The following MYO16 variants were observed in gnomAD, a reference collection of about 807,000 sequenced individuals.
MYO16 encodes unconventional myosin-XVI.
MYO16 carries 94 observed loss-of-function variants against 205.3 expected under a neutral mutation model. The ratio of observed to expected loss-of-function variants is 0.46; its 90% CI spans 0.39 to 0.54. MYO16 has a LOEUF of 0.54. Among genes scored for constraint, MYO16 ranks in the 20% least tolerant of loss-of-function variants. The pLI, the probability that MYO16 is intolerant of heterozygous loss-of-function variation, is 0.00. For synonymous variants in MYO16, 988 were observed against 954.0 expected (o/e 1.04, Z -0.66); for missense variants, 2,315 against 2,387.5 (o/e 0.97, Z 0.63).
At chr13:109,099,915 A>G (rs1314562029) in intron 27 of MYO16, among the ~76,000 whole-genome samples, 1 of 152,262 alleles carries the variant, frequency 6.6e-6, no homozygotes, top group Non-Finnish European at 1.5e-5. Context: ...AAGGTATTAA[A>G]CAGAAAATAA....
chr13:108,628,210 G>C (rs1566513531), upstream of MYO16, among the ~76,000 whole-genome samples: 1 of 152,104 alleles, frequency 6.6e-6, no homozygotes, highest in Admixed American at 6.6e-5. Context: ...ACCCAAAATG[G>C]TGACTTTTGT....
At chr13:109,187,561 T>C (rs1020641224) in intron 34 of MYO16, among the ~76,000 whole-genome samples, 1 of 152,182 alleles carries the variant, frequency 6.6e-6, no homozygotes, top group Admixed American at 6.5e-5. Context: ...AAATCTTAAT[T>C]TGTTTTGTTT....
Position 109,092,197 on chromosome 13 carries a change from A to G in MYO16, c.3336-8588A>G, listed in dbSNP as rs79155773. On this transcript the variant is annotated intron_variant, in intron 27 of 34. Coordinates refer to ENST00000457511, the MANE Select transcript of MYO16 (RefSeq NM_001198950.3). Reference sequence around the variant, plus strand: ...ATTTAACAAACAAAGACATTTTCAGAGAAAGTGCATCTGAGGTTAATAAAC... The same window carrying G: ...ATTTAACAAACAAAGACATTTTCAGGGAAAGTGCATCTGAGGTTAATAAAC... Among the ~76,000 whole-genome samples the G allele has an allele frequency of 6.0e-3, 921 of 152,366 alleles. 12 individuals are homozygous for G. Among genetic ancestry groups the G allele is most frequent in the African/African-American group, 0.021 (871 of 41,584 alleles).
Position 108,710,962 on chromosome 13 carries a change from C to T in MYO16, c.293-1699C>T, listed in dbSNP as rs1469531893. On this transcript the variant is annotated intron_variant, in intron 2 of 34. Transcript: ENST00000457511. ...AAGTGCTGTCTATCATCTGAGGAAA[C>T]CATTGGCAAATGTATGAAATGAACT... Among the ~76,000 whole-genome samples the T allele has an allele frequency of 2.6e-5, 4 of 152,136 alleles. No individual in the cohort carries two copies. In the East Asian group the frequency reaches 7.7e-4, roughly 29 times the overall value.
the MYO16 span, among the ~76,000 whole-genome samples, chr13:108,583,317 A>G: frequency 4.6e-5 from 7 of 152,358 alleles, no homozygotes; most frequent in African/African-American, 1.7e-4. Context: ...ATAAAGACTC[A>G]TGCATCAAGT....
At chr13:108,623,998 T>C (rs1019036450) in intron 1 of MYO16, among the ~76,000 whole-genome samples, 2 of 152,142 alleles carry the variant, frequency 1.3e-5, no homozygotes, top group Admixed American at 6.6e-5. Flanking sequence ...ATTTGAAGAA[T>C]GCATGGAATT....
chr13:108,852,617 T>C (rs1309845499), intron 10 of MYO16, among the ~76,000 whole-genome samples: 4 of 152,202 alleles, frequency 2.6e-5, no homozygotes, highest in Non-Finnish European at 5.9e-5. Context: ...GCATCTTTGC[T>C]GAGAACAGCG....
chr13:108,562,374 A>G, the MYO16 span, among the ~76,000 whole-genome samples: 121 of 152,274 alleles, frequency 7.9e-4, no homozygotes, highest in Admixed American at 7.1e-3. Context: ...AGGGGGTACG[A>G]ATATTTAGTC....
chr13:109,047,061 A>T, intron 24 of MYO16, 70 bp downstream of exon 24: 1 of 1,164,134 alleles, frequency 8.6e-7, no homozygotes, highest in Non-Finnish European at 1.3e-6. Context: ...TTATCTCTGA[A>T]TATTTTCCTA....
chr13:108,555,624 A>G, the MYO16 span, among the ~76,000 whole-genome samples: 3 of 152,200 alleles, frequency 2.0e-5, no homozygotes, highest in Non-Finnish European at 4.4e-5. Context: ...CTGTCTTAGC[A>G]ATTTTCAAGA....
chr13:109,072,632 T>C (rs1396210707), intron 27 of MYO16, among the ~76,000 whole-genome samples: 1 of 151,730 alleles, frequency 6.6e-6, no homozygotes, highest in Non-Finnish European at 1.5e-5. Flanking sequence ...CCAAGCATTC[T>C]TCAGACCAAA....
chr13:108,746,043 A>T (rs1594259672), intron 4 of MYO16, among the ~76,000 whole-genome samples: 1 of 151,474 alleles, frequency 6.6e-6, no homozygotes, highest in East Asian at 2.0e-4. Context: ...CAAAAAAAAA[A>T]TTAGCCAGGA....
In MYO16 at chr13:109,022,516, T is replaced by TA. The variant is rs1555325004; in HGVS notation, c.2796+2605_2796+2606insA. 2.0e-5 allele frequency among the ~76,000 whole-genome samples: 2 copies of TA among 102,236 alleles called. 1 individual carries two copies. Among genetic ancestry groups the TA allele is most frequent in the Non-Finnish European group, 3.8e-5 (2 of 52,126 alleles). 67.1% of individuals were successfully genotyped at this position (102,236 alleles called of 152,430 possible). On this transcript the variant is annotated intron_variant, in intron 23 of 34. Coordinates refer to ENST00000457511, the MANE Select transcript of MYO16 (RefSeq NM_001198950.3). ...ATACAATATAAACATATGTATATATTTGTTATATATACAATATAAACATAT... is the reference window on the plus strand; with the variant it reads ...ATACAATATAAACATATGTATATATTATGTTATATATACAATATAAACATAT...
chr13:108,854,840 T>C (rs1408909432), intron 10 of MYO16, among the ~76,000 whole-genome samples: 2 of 152,230 alleles, frequency 1.3e-5, no homozygotes, highest in Non-Finnish European at 2.9e-5. Flanking sequence ...ATTCATGGCA[T>C]ATTAAATTGA....
chr13:108,572,071 C>T, the MYO16 span, among the ~76,000 whole-genome samples: 1 of 151,842 alleles, frequency 6.6e-6, no homozygotes, highest in Admixed American at 6.6e-5. Flanking sequence ...AGGTGCATGC[C>T]ACCATGCCCA....
intron 23 of MYO16, among the ~76,000 whole-genome samples, chr13:109,021,830 A>G (rs1238531010): frequency 3.3e-5 from 5 of 152,048 alleles, no homozygotes; most frequent in Admixed American, 2.0e-4. Flanking sequence ...ATTTTTAGAC[A>G]AAGTAGGAAG....
intron 10 of MYO16, among the ~76,000 whole-genome samples, chr13:108,854,000 T>C (rs1174628697): frequency 7.5e-6 from 1 of 133,578 alleles, no homozygotes; most frequent in African/African-American, 2.7e-5. Context: ...TTTTGTTTGT[T>C]TGTTTGCTTT....
the MYO16 span, among the ~76,000 whole-genome samples, chr13:108,541,213 A>C: frequency 0.16 from 24,495 of 151,804 alleles, 3,004 homozygotes; most frequent in African/African-American, 0.34. Context: ...TTGAAGTAAA[A>C]ATTTACATAT....
At chr13:109,146,046 T>C (rs1311634112) in intron 32 of MYO16, among the ~76,000 whole-genome samples, 1 of 152,218 alleles carries the variant, frequency 6.6e-6, no homozygotes. Flanking sequence ...AAAGCTGTAA[T>C]GTACAGTATT....
Sources: gnomAD v4.1 joint callset for allele counts (sites outside exome capture counted in the v4.1 genomes callset) on GRCh38, gnomAD v4.1.1 for gene constraint, MANE v1.5 for transcripts, NCBI Gene and HGNC (gene_info 2026-07-23, HGNC 2026-07-21) for gene names.